FERMT2: variants seen among roughly 807,000 people sequenced by gnomAD.
The protein encoded by FERMT2 is fermitin family homolog 2.
In FERMT2, 15 loss-of-function variants were observed where a neutral mutation model predicts 82.7. The ratio of observed to expected loss-of-function variants is 0.18; its 90% confidence interval spans 0.12 to 0.28. The LOEUF (loss-of-function observed/expected upper bound fraction) is 0.28. FERMT2 is among the 10% of genes least tolerant of loss of function. The pLI, the probability that FERMT2 is intolerant of heterozygous loss-of-function variation, is 1.00. For synonymous variants in FERMT2, 274 were observed against 271.5 expected (o/e 1.01, Z -0.09); for missense variants, 645 against 809.4 (o/e 0.80, Z 2.46).
intron 4 of FERMT2, among the ~76,000 whole-genome samples, chr14:52,892,833 A>G (rs557703746): frequency 2.6e-4 from 39 of 152,180 alleles, no homozygotes; most frequent in Non-Finnish European, 4.9e-4. Flanking sequence ...AAAATTTCCA[A>G]TTTCTGCCTG....
chr14:52,932,434 T>A (rs1231676703), intron 2 of FERMT2, among the ~76,000 whole-genome samples: 2 of 152,188 alleles, frequency 1.3e-5, no homozygotes, highest in East Asian at 3.9e-4. Flanking sequence ...AGGAATATTT[T>A]TATTATGCAT....
intron 3 of FERMT2, among the ~76,000 whole-genome samples, chr14:52,902,019 G>C (rs1227233283): frequency 6.6e-6 from 1 of 151,938 alleles, no homozygotes; most frequent in Admixed American, 6.6e-5. Context: ...GCAGACTACA[G>C]AGAACAAAAC....
intron 3 of FERMT2, among the ~76,000 whole-genome samples, chr14:52,893,638 A>G (rs1887082418): frequency 6.6e-6 from 1 of 152,150 alleles, no homozygotes; most frequent in South Asian, 2.1e-4. Flanking sequence ...TAATGACCTC[A>G]AAGTGGAAAT....
intron 2 of FERMT2, among the ~76,000 whole-genome samples, chr14:52,926,986 G>GT (rs1566755202): frequency 6.6e-6 from 1 of 151,982 alleles, no homozygotes; most frequent in African/African-American, 2.4e-5. Flanking sequence ...CCATCACACC[G>GT]TATCACGTGC....
intron 6 of FERMT2, among the ~76,000 whole-genome samples, chr14:52,879,218 T>C (rs966833727): frequency 1.3e-5 from 2 of 152,222 alleles, no homozygotes; most frequent in African/African-American, 4.8e-5. Flanking sequence ...AGGGCAAATA[T>C]ACTTGTGGAA....
At chr14:52,911,905 CTGTT>C (rs1199711032) in intron 3 of FERMT2, among the ~76,000 whole-genome samples, 3 of 152,070 alleles carry the variant, frequency 2.0e-5, no homozygotes, top group African/African-American at 2.4e-5. Context: ...AATTGTGTAA[CTGTT>C]TGACTGGATC....
At chr14:52,933,138 T>C (rs1889667392) in intron 2 of FERMT2, among the ~76,000 whole-genome samples, 1 of 152,220 alleles carries the variant, frequency 6.6e-6, no homozygotes. Context: ...ACAGTCATTA[T>C]AGTAATCTAA....
chr14:52,919,214 G>C lies in FERMT2; in HGVS notation c.300C>G (p.Arg100=), dbSNP rs952407479. ...LQFTPQHKLL[R]LQLPNMKYVK... Reference sequence around the variant, plus strand: ...CATACTTCATGTTGGGAAGCTGCAGGCGGAGCAGTTTGTGCTGAGGGGTGA... The same window carrying C: ...CATACTTCATGTTGGGAAGCTGCAGCCGGAGCAGTTTGTGCTGAGGGGTGA... The change falls in exon 3 of 15, where the codon CGC becomes CGG. Residue 100 remains arginine, a synonymous_variant. Transcript: ENST00000341590. 1 of 1,614,022 alleles carries C rather than the reference G, an allele frequency of 6.2e-7. No individual in the cohort carries two copies. The highest frequency in any genetic ancestry group is 1.3e-5 in the African/African-American group (1 of 75,018).
intron 2 of FERMT2, among the ~76,000 whole-genome samples, chr14:52,943,592 C>T (rs1001753347): frequency 5.3e-5 from 8 of 151,810 alleles, no homozygotes; most frequent in African/African-American, 1.9e-4. Context: ...AATGTGATCA[C>T]TATACTGTAA....
chr14:52,870,991 CG>C (rs1885584204), intron 10 of FERMT2, among the ~76,000 whole-genome samples: 1 of 152,170 alleles, frequency 6.6e-6, no homozygotes, highest in Admixed American at 6.5e-5. Flanking sequence ...AATATGTGTA[CG>C]TACAAATGTA....
rs919647682 is a variant in FERMT2 at position 52,857,736 on chromosome 14, A to G, written c.*641T>C. 6.5e-6 allele frequency: 1 copy of G among 152,680 alleles called. No individual in the cohort carries two copies. The highest frequency in any genetic ancestry group is 2.4e-5 in the African/African-American group (1 of 41,462). 9.5% of individuals were successfully genotyped at this position (152,680 alleles called of 1,614,324 possible). A position where few individuals can be genotyped will look rare whatever the true frequency, so the allele number is the denominator to read the frequency against. ...AGTTGCATATTTTAGGCAGACAGTG[A>G]TTATGCTGGTGAATACTAAAAGTGT... On this transcript the variant is annotated 3_prime_UTR_variant, in exon 15 of 15. Transcript: ENST00000341590.
chr14:52,911,324 G>C (rs940088379), intron 3 of FERMT2, among the ~76,000 whole-genome samples: 4 of 151,920 alleles, frequency 2.6e-5, no homozygotes, highest in Non-Finnish European at 5.9e-5. Flanking sequence ...AAAAATATAA[G>C]AGCCTAATTA....
chr14:52,900,658 G>C (rs982030550), intron 3 of FERMT2, among the ~76,000 whole-genome samples: 3 of 152,010 alleles, frequency 2.0e-5, no homozygotes, highest in African/African-American at 7.3e-5. Flanking sequence ...TGTAGAAGGA[G>C]GTACCAATGG....
intron 12 of FERMT2, chr14:52,861,777 T>C (rs1406654061): frequency 1.3e-5 from 2 of 152,310 alleles, no homozygotes; most frequent in African/African-American, 2.4e-5. Context: ...ACAGCATGTT[T>C]AGTTAATATA....
At chr14:52,915,432 G>A (rs898915296) in intron 3 of FERMT2, among the ~76,000 whole-genome samples, 1 of 152,120 alleles carries the variant, frequency 6.6e-6, no homozygotes, top group East Asian at 1.9e-4. Context: ...ACATATAAAT[G>A]GATCAATGGA....
chr14:52,902,062 A>G (rs1214603059), intron 3 of FERMT2, among the ~76,000 whole-genome samples: 2 of 151,648 alleles, frequency 1.3e-5, no homozygotes, highest in African/African-American at 2.4e-5. Flanking sequence ...TGAGAAAAAG[A>G]CAATGACATC....
intron 2 of FERMT2, among the ~76,000 whole-genome samples, chr14:52,936,788 G>A (rs114042874): frequency 6.6e-6 from 1 of 152,058 alleles, no homozygotes; most frequent in Non-Finnish European, 1.5e-5. Context: ...CTAGGTTCCA[G>A]TTGCCCAGTA....
At chr14:52,860,822 A>T in intron 12 of FERMT2, 2 of 632,022 alleles carry the variant, frequency 3.2e-6, no homozygotes, top group East Asian at 5.8e-5. Context: ...CTATGTCTAT[A>T]ATCAGAATGA....
intron 4 of FERMT2, among the ~76,000 whole-genome samples, chr14:52,884,606 A>G (rs1261962369): frequency 6.6e-6 from 1 of 151,964 alleles, no homozygotes; most frequent in Admixed American, 6.5e-5. Context: ...CGTCTCAAAA[A>G]CAACAAACAA....
Sources: allele counts gnomAD v4.1 joint callset (sites outside exome capture counted in the v4.1 genomes callset), GRCh38; gene constraint gnomAD v4.1.1; transcripts MANE v1.5; gene names NCBI Gene and HGNC (gene_info 2026-07-23, HGNC 2026-07-21).